The following RAB5B variants were observed in gnomAD, a reference collection of about 807,000 sequenced individuals.
The protein encoded by RAB5B is RAB5B, member RAS oncogene family, also known as ras-related protein Rab-5B.
Under a neutral mutation model 28.6 loss-of-function variants are expected in RAB5B, and 11 were observed. That is an observed-to-expected ratio of 0.38 (90% CI 0.24 to 0.64). The LOEUF (loss-of-function observed/expected upper bound fraction) is 0.64. RAB5B is among the 30% of genes least tolerant of loss of function. The pLI is 0.53. For missense variants in RAB5B, 169 were observed against 265.6 expected (o/e 0.64, Z 2.53); for synonymous variants, 93 against 97.9 (o/e 0.95, Z 0.29).
chr12:55,986,924 C>T lies in RAB5B; in HGVS notation c.-37C>T. On this transcript the variant is annotated 5_prime_UTR_variant, in exon 2 of 6. Coordinates refer to ENST00000360299, the MANE Select transcript of RAB5B (RefSeq NM_002868.4). ...TCCCCCTCCCCCCTTTACAGTATCC[C>T]CCTCCCTCCACCCTTTCCCATTCTG... 2 of 787,956 alleles carry T rather than the reference C, an allele frequency of 2.5e-6. No individual in the cohort carries two copies. Among genetic ancestry groups the T allele is most frequent in the Non-Finnish European group, 3.9e-6 (2 of 506,614 alleles). 48.8% of individuals were successfully genotyped at this position (787,956 alleles called of 1,614,324 possible). A position where few individuals can be genotyped will look rare whatever the true frequency, so the allele number is the denominator to read the frequency against.
intron 2 of RAB5B, among the ~76,000 whole-genome samples, 178 bp downstream of exon 2, chr12:55,987,301 C>A (rs999515461): frequency 2.0e-5 from 3 of 151,788 alleles, no homozygotes; most frequent in Non-Finnish European, 4.4e-5. Context: ...ACTGGGATTA[C>A]AGGTGCACAC....
chr12:55,990,088 T>G lies in RAB5B; in HGVS notation c.305T>G (p.Ile102Ser). 1 of 1,613,730 alleles carries G rather than the reference T, an allele frequency of 6.2e-7. No homozygotes were observed. Among genetic ancestry groups the G allele is most frequent in the Admixed American group, 1.7e-5 (1 of 59,922 alleles). ...CAAGCTGCAATCGTGGTTTACGACATTACTAATCAGGTAAGTGAGCTAAGA... is the reference window on the plus strand; with the variant it reads ...CAAGCTGCAATCGTGGTTTACGACAGTACTAATCAGGTAAGTGAGCTAAGA... ...GAQAAIVVYD[I>S]TNQETFARAK... Residue 102 changes from isoleucine (I) to serine (S), a missense_variant, in exon 3 of 6, where the codon ATT (isoleucine) becomes AGT (serine). This residue lies in a region of RAB5B where 123 missense variants were observed against 162.4 expected (regional missense o/e 0.76). Transcript: ENST00000360299.
At chr12:55,981,452 C>G (rs143476023) in intron 1 of RAB5B, among the ~76,000 whole-genome samples, 1 of 152,226 alleles carries the variant, frequency 6.6e-6, no homozygotes, top group Non-Finnish European at 1.5e-5. Context: ...TCTGATCTGC[C>G]TGACTGACCT....
At chr12:55,974,429 C>T (rs903128201) in intron 1 of RAB5B, among the ~76,000 whole-genome samples, 2 of 152,150 alleles carry the variant, frequency 1.3e-5, no homozygotes, top group African/African-American at 4.8e-5. Flanking sequence ...CAGGGGCAGG[C>T]CTCATTAAGC....
chr12:55,984,285 G>A (rs1889893619), intron 1 of RAB5B, among the ~76,000 whole-genome samples: 2 of 151,588 alleles, frequency 1.3e-5, no homozygotes, highest in African/African-American at 2.4e-5. Context: ...CACCTCACAA[G>A]TTCAAGCAGT....
Position 55,991,313 on chromosome 12 carries a change from C to T in RAB5B, c.439-47C>T, listed in dbSNP as rs750575143. 41 of 1,450,966 alleles carry T rather than the reference C, an allele frequency of 2.8e-5. 1 individual carries two copies. Among genetic ancestry groups the T allele is most frequent in the Admixed American group, 1.7e-4 (10 of 59,414 alleles). The allele number at this position is 1,450,966 out of a possible 1,614,324, so 89.9% of individuals were successfully genotyped here. On this transcript the variant is annotated intron_variant, in intron 4 of 5. Coordinates refer to ENST00000360299, the MANE Select transcript of RAB5B (RefSeq NM_002868.4). Reference sequence around the variant, plus strand: ...TGCATGGGAGTGGAAAGGCAATACTCGTTCCCACCCTACATTCTGAGCACT... The same window carrying T: ...TGCATGGGAGTGGAAAGGCAATACTTGTTCCCACCCTACATTCTGAGCACT...
chr12:55,980,721 T>G lies in RAB5B; in HGVS notation c.-92-6148T>G, dbSNP rs902981680. 5 of 1,580,202 alleles carry G rather than the reference T, an allele frequency of 3.2e-6. No homozygotes were observed. In the African/African-American group the frequency reaches 6.7e-5, roughly 21 times the overall value. On this transcript the variant is annotated intron_variant, in intron 1 of 5. Coordinates refer to ENST00000360299, the MANE Select transcript of RAB5B (RefSeq NM_002868.4). ...CCAGCTGAGGCATTCTCCATGATGCTTTTCATCCAGTTCTGAATATTCTCG... is the reference window on the plus strand; with the variant it reads ...CCAGCTGAGGCATTCTCCATGATGCGTTTCATCCAGTTCTGAATATTCTCG...
intron 1 of RAB5B, chr12:55,985,796 C>A: frequency 2.2e-6 from 1 of 450,990 alleles, no homozygotes; most frequent in Non-Finnish European, 4.5e-6. Context: ...GTAATCTAAT[C>A]CCTAGGCACC....
rs377488300 is a variant in RAB5B at position 55,992,223 on chromosome 12, A to G, written c.*11A>G. On this transcript the variant is annotated 3_prime_UTR_variant, in exon 6 of 6. Transcript: ENST00000360299. ...TGTTGTAGCAACTGAGGGGGTGGCTAGCAGCAAACAAGTATGGAGCTAGCA... is the reference window on the plus strand; with the variant it reads ...TGTTGTAGCAACTGAGGGGGTGGCTGGCAGCAAACAAGTATGGAGCTAGCA... 1.3e-6 allele frequency: 2 copies of G among 1,597,880 alleles called. No homozygotes were observed. The highest frequency in any genetic ancestry group is 2.7e-5 in the African/African-American group (2 of 74,596).
chr12:55,983,538 C>T (rs1201202581), intron 1 of RAB5B, among the ~76,000 whole-genome samples: 1 of 152,120 alleles, frequency 6.6e-6, no homozygotes, highest in Non-Finnish European at 1.5e-5. Flanking sequence ...ACAGAATACC[C>T]AGTAGAATCA....
intron 1 of RAB5B, 59 bp downstream of exon 1, chr12:55,974,198 C>A (rs570863980): frequency 1.3e-5 from 2 of 153,222 alleles, no homozygotes; most frequent in East Asian, 1.9e-4. Flanking sequence ...ATGAGAGCAG[C>A]CTGGCCTGAG....
At chr12:55,984,766 G>A (rs754464689) in intron 1 of RAB5B, among the ~76,000 whole-genome samples, 3 of 152,184 alleles carry the variant, frequency 2.0e-5, no homozygotes, top group Admixed American at 6.5e-5. Flanking sequence ...ATGAGCTACT[G>A]CACCCAGGCT....
At chr12:55,990,902 T>C in intron 4 of RAB5B, 98 bp downstream of exon 4, 1 of 1,448,936 alleles carries the variant, frequency 6.9e-7, no homozygotes, top group Non-Finnish European at 9.5e-7. Context: ...ACAGAGGACA[T>C]TCATTGTCTC....
chr12:55,977,340 A>G (rs1465156197), intron 1 of RAB5B, among the ~76,000 whole-genome samples: 1 of 152,090 alleles, frequency 6.6e-6, no homozygotes, highest in African/African-American at 2.4e-5. Context: ...TTGCATCCTA[A>G]GAGAGTTTAG....
Position 55,995,980 on chromosome 12 carries a change from T to C in RAB5B, c.*3768T>C, listed in dbSNP as rs1178508588. 8.8e-6 allele frequency: 1 copy of C among 113,334 alleles called. No individual in the cohort carries two copies. Among genetic ancestry groups the C allele is most frequent in the African/African-American group, 3.8e-5 (1 of 26,612 alleles). 7.0% of individuals were successfully genotyped at this position (113,334 alleles called of 1,614,324 possible). On this transcript the variant is annotated 3_prime_UTR_variant, in exon 6 of 6. Transcript: ENST00000360299. ...CTCACTCTCTCTCTCTCCATATATA[T>C]ATACATATATATATATATATATATT...
chr12:55,986,719 A>G (rs906042378), intron 1 of RAB5B, 150 bp from the exon 2 acceptor site: 14 of 553,096 alleles, frequency 2.5e-5, no homozygotes, highest in Non-Finnish European at 3.9e-5. Flanking sequence ...GCTCTTCCCA[A>G]CTCTTACCAC....
chr12:55,989,987 A>T lies in RAB5B; in HGVS notation c.204A>T (p.Thr68=), dbSNP rs769509624. The change falls in exon 3 of 6, where the codon ACA becomes ACT. Residue 68 remains threonine, a synonymous_variant. Coordinates refer to ENST00000360299, the MANE Select transcript of RAB5B (RefSeq NM_002868.4). The part of the protein sequence containing the change: ...LTQSVCLDDT[T]VKFEIWDTAG... ...AGTCCGTTTGTCTAGATGACACAAC[A>T]GTGAAGTTTGAGATCTGGGACACAG... 1.2e-6 allele frequency: 2 copies of T among 1,613,772 alleles called. No individual in the cohort carries two copies. The highest frequency in any genetic ancestry group is 1.7e-6 in the Non-Finnish European group (2 of 1,179,668).
chr12:55,978,028 AG>A (rs1427751152), intron 1 of RAB5B, among the ~76,000 whole-genome samples: 1 of 152,120 alleles, frequency 6.6e-6, no homozygotes, highest in Non-Finnish European at 1.5e-5. Flanking sequence ...TTTGGGTGGG[AG>A]GGCCACATAT....
At chr12:55,984,975 C>T (rs1451108332) in intron 1 of RAB5B, among the ~76,000 whole-genome samples, 1 of 152,072 alleles carries the variant, frequency 6.6e-6, no homozygotes, top group Non-Finnish European at 1.5e-5. Flanking sequence ...TGATTAGTAG[C>T]TTAATATTTA....
Sources: allele counts gnomAD v4.1 joint callset (sites outside exome capture counted in the v4.1 genomes callset), GRCh38; gene constraint gnomAD v4.1.1; regional missense constraint gnomAD v4.1.1; transcripts MANE v1.5; gene names NCBI Gene and HGNC (gene_info 2026-07-23, HGNC 2026-07-21).